Variants in ASB15 observed in about 807,000 individuals in gnomAD.
ASB15 encodes ankyrin repeat and SOCS box protein 15.
In ASB15, 54 loss-of-function variants were observed where a neutral mutation model predicts 58.0. The ratio of observed to expected loss-of-function variants is 0.93; its 90% CI spans 0.75 to 1.17. ASB15 has a LOEUF of 1.17. ASB15 is among the 50% of genes most tolerant of loss of function. The pLI is 0.00. For missense variants in ASB15, 680 were observed against 707.4 expected (o/e 0.96, Z 0.44); for synonymous variants, 249 against 262.4 (o/e 0.95, Z 0.50).
intron 1 of ASB15, among the ~76,000 whole-genome samples, chr7:123,578,453 A>G (rs1473080247): frequency 6.6e-6 from 1 of 151,594 alleles, no homozygotes; most frequent in Non-Finnish European, 1.5e-5. Flanking sequence ...TCCTCCTTCT[A>G]CTTATTTTTC....
intron 1 of ASB15, among the ~76,000 whole-genome samples, chr7:123,591,933 C>CT (rs901661523): frequency 4.6e-5 from 7 of 152,010 alleles, no homozygotes; most frequent in South Asian, 2.1e-4. Context: ...TGGCCCCAGA[C>CT]TTTTTTTTGT....
At chr7:123,623,915 GAAGGAAGA>G (rs1391005736) in intron 7 of ASB15, among the ~76,000 whole-genome samples, 2 of 91,080 alleles carry the variant, frequency 2.2e-5, no homozygotes, top group Admixed American at 1.3e-4. Context: ...AGGAAGGAAG[GAAGGAAGA>G]AAGAAAGAAA....
chr7:123,613,019 A>G (rs994818542), intron 3 of ASB15, among the ~76,000 whole-genome samples: 5 of 152,048 alleles, frequency 3.3e-5, no homozygotes, highest in African/African-American at 4.8e-5. Context: ...GTCAGGGAAC[A>G]TGCTTGGTGG....
At chr7:123,579,598 T>C (rs1467674972) in intron 1 of ASB15, among the ~76,000 whole-genome samples, 1 of 152,092 alleles carries the variant, frequency 6.6e-6, no homozygotes, top group African/African-American at 2.4e-5. Context: ...AAAATGAAAG[T>C]TAAAACTTAA....
chr7:123,618,590 T>C (rs1584787683), intron 7 of ASB15, among the ~76,000 whole-genome samples: 1 of 152,188 alleles, frequency 6.6e-6, no homozygotes, highest in East Asian at 1.9e-4. Flanking sequence ...ATTATGAAGT[T>C]GTCTGTGTGG....
intron 8 of ASB15, among the ~76,000 whole-genome samples, chr7:123,625,245 T>G (rs1008659708): frequency 4.6e-5 from 7 of 152,194 alleles, no homozygotes; most frequent in African/African-American, 1.7e-4. Flanking sequence ...CTTGTAGCGT[T>G]TCTCTTGTCC....
rs553190475 is a variant in ASB15 at position 123,627,132 on chromosome 7, G to A, written c.720G>A (p.Ala240=). The change falls in exon 9 of 12, where the codon GCG becomes GCA. Residue 240 remains alanine (A), a synonymous_variant. Transcript: ENST00000451215. ...IHKGGDVLAL[A]DDGASVLFEA... Reference sequence around the variant, plus strand: ...CAGGTGGTGATGTGCTTGCTTTGGCGGATGATGGGGCGTCGGTGCTGTTTG... The same window carrying A: ...CAGGTGGTGATGTGCTTGCTTTGGCAGATGATGGGGCGTCGGTGCTGTTTG... 2.2e-4 allele frequency: 341 copies of A among 1,542,906 alleles called. No individual in the cohort carries two copies. Among genetic ancestry groups the A allele is most frequent in the Non-Finnish European group, 2.7e-4 (307 of 1,123,144 alleles).
intron 1 of ASB15, among the ~76,000 whole-genome samples, chr7:123,587,899 G>A (rs1004728945): frequency 6.6e-6 from 1 of 151,646 alleles, no homozygotes; most frequent in African/African-American, 2.4e-5. Flanking sequence ...CTTAACCATG[G>A]TACATAATCC....
rs267601262 is a variant in ASB15 at position 123,629,047 on chromosome 7, G to A, written c.1053G>A (p.Lys351=). The A allele has an allele frequency of 1.2e-6, 2 of 1,613,838 alleles. No homozygotes were observed. The highest frequency in any genetic ancestry group is 2.2e-5 in the East Asian group (1 of 44,862). Residue 351 remains lysine, a synonymous_variant, in exon 10 of 12, where the codon AAG becomes AAA. Transcript: ENST00000451215. ...CCCAGAGCTATGACGATGAGAGGAA[G>A]ACTGCGCTGTATTTTGGCGTTTCTA... The part of the protein sequence containing the change: ...HISQSYDDER[K]TALYFGVSNN...
intron 1 of ASB15, among the ~76,000 whole-genome samples, chr7:123,571,615 T>C (rs1183627268): frequency 6.6e-6 from 1 of 152,176 alleles, no homozygotes; most frequent in Non-Finnish European, 1.5e-5. Context: ...TATCAAAAAA[T>C]ATAAACAGTT....
Position 123,626,730 on chromosome 7 carries a change from T to TTTTG in ASB15, c.698-368_698-365dup, listed in dbSNP as rs542687896. 1.1e-4 allele frequency among the ~76,000 whole-genome samples: 17 copies of TTTTG among 152,142 alleles called. No individual in the cohort carries two copies. In the East Asian group the frequency reaches 2.1e-3, roughly 19 times the overall value. On this transcript the variant is annotated intron_variant, in intron 8 of 11. Transcript: ENST00000451215. ...GAACACAACAGGTTTTGTGGGGGTT[T>TTTTG]TTTGTTTGTTTGTTTCTTTGTTTTT...
In ASB15 at chr7:123,587,099, T is replaced by C. The variant is rs139413904; in HGVS notation, c.-442-16933T>C. Among the ~76,000 whole-genome samples, 907 of 151,812 alleles carry C rather than the reference T, an allele frequency of 6.0e-3. 8 individuals carry two copies. The highest frequency in any genetic ancestry group is 0.02 in the African/African-American group (850 of 41,516). The stretch of plus-strand genomic sequence containing the variant: ...TTTCAATATATTCCTCCCATTTCTG[T>C]GAAAAACATCATTGGAATTTTGGTA... On this transcript the variant is annotated intron_variant, in intron 1 of 13. Coordinates refer to the ASB15 transcript ENST00000451558.
upstream of ASB15, among the ~76,000 whole-genome samples, chr7:123,598,338 A>G (rs191660254): frequency 5.5e-3 from 833 of 152,328 alleles, 4 homozygotes; most frequent in Middle Eastern, 0.017. Context: ...AGGAAACTGA[A>G]GTATAAACCT....
At chr7:123,590,841 C>T (rs1447211273) in intron 1 of ASB15, among the ~76,000 whole-genome samples, 2 of 152,130 alleles carry the variant, frequency 1.3e-5, no homozygotes, top group Non-Finnish European at 2.9e-5. Flanking sequence ...TGAACAAAGG[C>T]AGTGGTAGCT....
In ASB15 at chr7:123,637,256, A is replaced by G. The variant is rs1485689348; in HGVS notation, c.*275A>G. The G allele has an allele frequency of 4.7e-6, 1 of 211,072 alleles. No individual in the cohort carries two copies. Among genetic ancestry groups the G allele is most frequent in the Admixed American group, 5.7e-5 (1 of 17,648 alleles). 13.1% of individuals were successfully genotyped at this position (211,072 alleles called of 1,614,324 possible). A position where few individuals can be genotyped will look rare whatever the true frequency, so the allele number is the denominator to read the frequency against. Reference sequence around the variant, plus strand: ...GTGGCTCCTACAATATCCACAATCAAGTCTCTATGTTTAAAAAACAGATAA... The same window carrying G: ...GTGGCTCCTACAATATCCACAATCAGGTCTCTATGTTTAAAAAACAGATAA... On this transcript the variant is annotated 3_prime_UTR_variant, in exon 12 of 12. Transcript: ENST00000451215.
At chr7:123,590,572 T>C (rs1385779545) in intron 1 of ASB15, among the ~76,000 whole-genome samples, 1 of 152,176 alleles carries the variant, frequency 6.6e-6, no homozygotes, top group African/African-American at 2.4e-5. Context: ...ATTTATTAAA[T>C]AGGGAATCCT....
intron 7 of ASB15, among the ~76,000 whole-genome samples, chr7:123,623,725 TTGG>T (rs1801485284): frequency 6.6e-6 from 1 of 151,314 alleles, no homozygotes; most frequent in South Asian, 2.1e-4. Flanking sequence ...TTAGCCAGAC[TTGG>T]TGGTATGCGC....
intron 3 of ASB15, among the ~76,000 whole-genome samples, chr7:123,610,952 G>A (rs1438984822): frequency 2.0e-5 from 3 of 151,608 alleles, no homozygotes; most frequent in African/African-American, 7.3e-5. Context: ...CATGGTGGCC[G>A]GTGCCTATAA....
Position 123,620,503 on chromosome 7 carries a change from CATACATATATATATATATATATATAT to C in ASB15, c.451+2770_451+2795del, listed in dbSNP as rs1293968623. ...CACCACTAGTAATGTGACACATATA[CATACATATATATATATATATATATAT>C]ATATATATATATATATATATATATA... On this transcript the variant is annotated intron_variant, in intron 7 of 11. Transcript: ENST00000451215. Among the ~76,000 whole-genome samples, 59 of 53,060 alleles carry C rather than the reference CATACATATATATATATATATATATAT, an allele frequency of 1.1e-3. 1 individual carries two copies. Among genetic ancestry groups the C allele is most frequent in the African/African-American group, 3.3e-3 (42 of 12,610 alleles). The allele number at this position is 53,060 out of a possible 152,430, so 34.8% of individuals were successfully genotyped here.
Sources: gnomAD v4.1 joint callset for allele counts (sites outside exome capture counted in the v4.1 genomes callset) on GRCh38, gnomAD v4.1.1 for gene constraint, MANE v1.5 for transcripts, NCBI Gene and HGNC (gene_info 2026-07-23, HGNC 2026-07-21) for gene names.